The following UNC93A variants were observed in gnomAD, a reference collection of about 807,000 sequenced individuals.
UNC93A encodes N-acetylglucosamine transporter UNC93A.
UNC93A carries 43 observed loss-of-function variants against 47.5 expected under a neutral mutation model. The ratio of observed to expected loss-of-function variants is 0.91; its 90% CI spans 0.71 to 1.17. The LOEUF is 1.17. UNC93A is among the 50% of genes most tolerant of loss of function. UNC93A has a pLI of 0.00. For synonymous variants in UNC93A, 280 were observed against 258.0 expected, an observed-to-expected ratio of 1.09 and a Z score of -0.82; for missense variants, 605 against 577.6, an observed-to-expected ratio of 1.05 and a Z score of -0.49.
chr6:167,269,779 G>T (rs2092092), upstream of UNC93A, among the ~76,000 whole-genome samples: 68,078 of 150,730 alleles, frequency 0.45, 15,669 homozygotes, highest in Non-Finnish European at 0.49. Flanking sequence ...GCTTTTTTTT[G>T]TGTGTGTGTG....
chr6:167,291,469 T>C lies in UNC93A; in HGVS notation c.-21T>C. The C allele has an allele frequency of 6.2e-7, 1 of 1,605,210 alleles. No homozygotes were observed. Among genetic ancestry groups the C allele is most frequent in the Non-Finnish European group, 8.5e-7 (1 of 1,177,374 alleles). On this transcript the variant is annotated 5_prime_UTR_variant, in exon 1 of 8. Transcript: ENST00000230256. ...TACAAATTTACGTGTTCACTGGTGATTGATCTTTTCATCCAGCACAATGGA... is the reference window on the plus strand; with the variant it reads ...TACAAATTTACGTGTTCACTGGTGACTGATCTTTTCATCCAGCACAATGGA...
Position 167,315,189 on chromosome 6 carries a change from C to G in UNC93A, c.1111C>G (p.Leu371Val), listed in dbSNP as rs779508413. 7.4e-6 allele frequency: 12 copies of G among 1,613,414 alleles called. No homozygotes were observed. The highest frequency in any genetic ancestry group is 8.5e-6 in the Non-Finnish European group (10 of 1,179,882). The stretch of plus-strand genomic sequence containing the variant: ...TCACTCCGCTCTCTCCTCTGCAGCT[C>G]TCTACGGCGTTCTGTTTGAGAAGAG... ...DAVWQTQNNA[L>V]YGVLFEKSKE... is the part of the protein sequence containing the mutation. Residue 371 changes from leucine (L) to valine (V), a missense_variant and splice_region_variant, in exon 8 of 8, where the codon CTC (leucine) becomes GTC (valine). Leu to Val is a conservative substitution (Grantham distance 32). Coordinates refer to ENST00000230256, the MANE Select transcript of UNC93A (RefSeq NM_018974.4).
upstream of UNC93A, among the ~76,000 whole-genome samples, chr6:167,287,191 C>T (rs1583066974): frequency 6.6e-6 from 1 of 152,112 alleles, no homozygotes; most frequent in South Asian, 2.1e-4. Context: ...GCTTCCTCCA[C>T]TGCTCGCTGC....
chr6:167,275,847 A>T (rs1015567512), intron 1 of UNC93A, among the ~76,000 whole-genome samples: 1 of 152,148 alleles, frequency 6.6e-6, no homozygotes, highest in Non-Finnish European at 1.5e-5. Context: ...TCTCTCTCAG[A>T]TTGGTGAAAG....
chr6:167,314,854 G>A (rs948940551), intron 7 of UNC93A, among the ~76,000 whole-genome samples: 11 of 152,058 alleles, frequency 7.2e-5, no homozygotes, highest in African/African-American at 2.2e-4. Context: ...TTCATCTTAC[G>A]TATGTTGATT....
chr6:167,270,144 G>A (rs183429044), upstream of UNC93A, among the ~76,000 whole-genome samples: 132 of 152,076 alleles, frequency 8.7e-4, no homozygotes, highest in African/African-American at 3.2e-3. Flanking sequence ...CCATCCATCT[G>A]TGTTCATGTC....
chr6:167,276,407 T>C (rs903579001), intron 1 of UNC93A, among the ~76,000 whole-genome samples: 2 of 152,152 alleles, frequency 1.3e-5, no homozygotes, highest in African/African-American at 4.8e-5. Flanking sequence ...CTATTTGTGG[T>C]TTTTTTGAGG....
In UNC93A at chr6:167,291,515, T is replaced by C. The variant is rs374730365; in HGVS notation, c.26T>C (p.Leu9Pro). Residue 9 changes from leucine (L) to proline (P), a missense_variant, in exon 1 of 8, where the codon CTT (leucine) becomes CCT (proline). Physicochemically the swap from Leu to Pro is moderately conservative, Grantham distance 98 (BLOSUM62 -3). Coordinates refer to ENST00000230256, the MANE Select transcript of UNC93A (RefSeq NM_018974.4). ...ATGGACAGAAGTCTAAGGAACGTCCTTGTGGTTTCCTTTGGGTTCCTGCTT... is the reference window on the plus strand; with the variant it reads ...ATGGACAGAAGTCTAAGGAACGTCCCTGTGGTTTCCTTTGGGTTCCTGCTT... MDRSLRNV[L>P]VVSFGFLLLF... 3.2e-4 allele frequency: 521 copies of C among 1,613,900 alleles called. No homozygotes were observed. The highest frequency in any genetic ancestry group is 4.3e-4 in the Non-Finnish European group (511 of 1,179,954).
chr6:167,292,949 A>T (rs1159447094), intron 1 of UNC93A, among the ~76,000 whole-genome samples: 1 of 152,090 alleles, frequency 6.6e-6, no homozygotes, highest in African/African-American at 2.4e-5. Flanking sequence ...CCTAGGAACC[A>T]GTTCTGGTGG....
chr6:167,278,452 T>C (rs893083136), intron 1 of UNC93A, among the ~76,000 whole-genome samples: 14 of 152,178 alleles, frequency 9.2e-5, no homozygotes, highest in African/African-American at 2.9e-4. Flanking sequence ...ATGGCCAAAA[T>C]GGCGCTGCTG....
upstream of UNC93A, among the ~76,000 whole-genome samples, chr6:167,288,020 A>C (rs184936127): frequency 6.6e-6 from 1 of 152,154 alleles, no homozygotes; most frequent in African/African-American, 2.4e-5. Context: ...GGCCACTCAC[A>C]TGTCCCAGGT....
In UNC93A at chr6:167,304,138, GAAC is replaced by G; in HGVS notation, c.840+6_840+8del. On this transcript the variant is annotated splice_donor_region_variant and intron_variant, in intron 5 of 7. Transcript: ENST00000230256. ...CTCTCCAGCGAATACACAAGGGTAT[GAAC>G]GAAAGTGAGGGCCGGTGGCTCAGGC... The G allele has an allele frequency of 6.2e-7, 1 of 1,614,064 alleles. No homozygotes were observed. The highest frequency in any genetic ancestry group is 8.5e-7 in the Non-Finnish European group (1 of 1,180,014).
chr6:167,311,418 G>A (rs9456265), intron 7 of UNC93A, among the ~76,000 whole-genome samples: 38,793 of 152,108 alleles, frequency 0.26, 5,271 homozygotes, highest in East Asian at 0.53. Context: ...GGAGATCTGT[G>A]CCAGGCACTC....
chr6:167,280,044 G>T (rs1783605938), intron 1 of UNC93A, among the ~76,000 whole-genome samples: 2 of 152,230 alleles, frequency 1.3e-5, no homozygotes, highest in Admixed American at 1.3e-4. Flanking sequence ...CTTGCTTTGG[G>T]AGAATTCCAG....
At chr6:167,288,992 T>C (rs1460805238), upstream of UNC93A, among the ~76,000 whole-genome samples, 1 of 152,294 alleles carries the variant, frequency 6.6e-6, no homozygotes, top group Non-Finnish European at 1.5e-5. Context: ...AGCCCAGATG[T>C]TAATTTTAAG....
intron 1 of UNC93A, among the ~76,000 whole-genome samples, chr6:167,282,498 CT>C (rs1783650699): frequency 6.6e-6 from 1 of 152,040 alleles, no homozygotes; most frequent in Admixed American, 6.5e-5. Flanking sequence ...TTATTGTTTT[CT>C]TGGAGCATGG....
intron 7 of UNC93A, 115 bp from the exon 8 acceptor site, chr6:167,315,072 A>G: frequency 4.8e-6 from 7 of 1,463,132 alleles, no homozygotes; most frequent in Non-Finnish European, 6.4e-6. Context: ...GTGAAAAAAG[A>G]AAAATGTCTT....
chr6:167,300,249 G>C (rs1778205218), intron 4 of UNC93A, among the ~76,000 whole-genome samples: 1 of 152,206 alleles, frequency 6.6e-6, no homozygotes, highest in African/African-American at 2.4e-5. Flanking sequence ...AATCATGTCA[G>C]GGATGAGGCT....
chr6:167,308,065 G>A (rs1173867712), intron 7 of UNC93A, among the ~76,000 whole-genome samples, 155 bp downstream of exon 7: 1 of 152,156 alleles, frequency 6.6e-6, no homozygotes, highest in Non-Finnish European at 1.5e-5. Context: ...TCGCCTCTGA[G>A]TCTGATGTAT....
Sources: gnomAD v4.1 joint callset for allele counts (sites outside exome capture counted in the v4.1 genomes callset) on GRCh38, gnomAD v4.1.1 for gene constraint, MANE v1.5 for transcripts, NCBI Gene and HGNC (gene_info 2026-07-23, HGNC 2026-07-21) for gene names.